EYS: variants seen among roughly 807,000 people sequenced by gnomAD.
EYS encodes the protein EGF-like photoreceptor maintenance factor.
Under a neutral mutation model 282.1 loss-of-function variants are expected in EYS, and 250 were observed. The observed-to-expected ratio is 0.89, with a 90% CI of 0.80 to 0.98. The LOEUF (loss-of-function observed/expected upper bound fraction) is 0.98. Ranked by LOEUF, EYS falls within the 50% of genes least tolerant of loss-of-function variation. The probability of loss-of-function intolerance (pLI) is 0.00; values close to 1 mark genes in which losing one functional copy is unlikely to be tolerated. For missense variants in EYS, 4,016 were observed against 3,709.0 expected (o/e 1.08, Z -2.15); for synonymous variants, 1,355 against 1,282.9 (o/e 1.06, Z -1.20).
In EYS at chr6:64,997,642, G is replaced by A. The variant is rs769923713; in HGVS notation, c.2199C>T (p.Asp733=). 2.9e-4 allele frequency: 443 copies of A among 1,550,978 alleles called. No individual in the cohort carries two copies. The highest frequency in any genetic ancestry group is 3.8e-4 in the Non-Finnish European group (430 of 1,146,448). The part of the protein sequence containing the change: ...PGYVGIRCEQ[D]IDDCILNACE... The stretch of plus-strand genomic sequence containing the variant: ...AGGCATTCAGGATGCAGTCATCAAT[G>A]TCCTGTTCACATCTTATCCCAACAT... The change falls in exon 14 of 43, where the codon GAC becomes GAT. Residue 733 remains aspartate (D), a synonymous_variant. Transcript: ENST00000503581.
intron 2 of EYS, among the ~76,000 whole-genome samples, chr6:65,620,922 T>C (rs1171311940): frequency 1.3e-5 from 2 of 152,212 alleles, no homozygotes; most frequent in Admixed American, 6.5e-5. Context: ...GAGAGACAGT[T>C]TGTTATCATT....
At chr6:64,794,398 C>T (rs1027168546) in intron 22 of EYS, among the ~76,000 whole-genome samples, 1 of 152,074 alleles carries the variant, frequency 6.6e-6, no homozygotes, top group Non-Finnish European at 1.5e-5. Context: ...TGGGGGCAGA[C>T]TTCTCTCTTG....
rs112098316 is a variant in EYS at position 65,384,774 on chromosome 6, C to G, written c.1185-274G>C. On this transcript the variant is annotated intron_variant, in intron 7 of 42. Transcript: ENST00000503581. The stretch of plus-strand genomic sequence containing the variant: ...TGGCCTAAACTGATACTTAACAATA[C>G]AGTATATGTTTTGGAAAACTAGTGA... Among the ~76,000 whole-genome samples, 410 of 150,806 alleles carry G rather than the reference C, an allele frequency of 2.7e-3. 4 individuals carry two copies. The highest frequency in any genetic ancestry group is 9.5e-3 in the African/African-American group (394 of 41,336).
intron 29 of EYS, among the ~76,000 whole-genome samples, chr6:64,353,385 C>G (rs1771711742): frequency 6.6e-6 from 1 of 151,498 alleles, no homozygotes; most frequent in African/African-American, 2.4e-5. Context: ...ATTTATTTCT[C>G]CATCATTACC....
At chr6:63,993,786 T>A (rs556713682) in intron 34 of EYS, among the ~76,000 whole-genome samples, 32 of 151,718 alleles carry the variant, frequency 2.1e-4, no homozygotes, top group Non-Finnish European at 4.1e-4. Flanking sequence ...TTTACAAAAA[T>A]TGAAAAAACA....
At chr6:63,851,405 T>C (rs1772246438) in intron 36 of EYS, among the ~76,000 whole-genome samples, 1 of 152,082 alleles carries the variant, frequency 6.6e-6, no homozygotes, top group African/African-American at 2.4e-5. Context: ...TATTCTAAAA[T>C]TGACACATAA....
chr6:63,956,611 A>T (rs952314957), intron 35 of EYS, among the ~76,000 whole-genome samples: 1 of 152,216 alleles, frequency 6.6e-6, no homozygotes, highest in Non-Finnish European at 1.5e-5. Flanking sequence ...TTAATTGACA[A>T]TTGGATGTCT....
At chr6:64,738,864 T>C (rs1039655562) in intron 22 of EYS, among the ~76,000 whole-genome samples, 13 of 152,250 alleles carry the variant, frequency 8.5e-5, no homozygotes, top group African/African-American at 3.1e-4. Context: ...TTCAAGAGAT[T>C]CTCCTGCCTC....
At chr6:65,557,321 G>A (rs1192751808) in intron 2 of EYS, among the ~76,000 whole-genome samples, 1 of 152,194 alleles carries the variant, frequency 6.6e-6, no homozygotes, top group Non-Finnish European at 1.5e-5. Flanking sequence ...GCGTGAAAGA[G>A]TGCAGGGTCC....
At chr6:63,887,343 A>G (rs1773289168) in intron 35 of EYS, among the ~76,000 whole-genome samples, 1 of 147,022 alleles carries the variant, frequency 6.8e-6, no homozygotes, top group Admixed American at 6.8e-5. Context: ...GTCTTTGAAA[A>G]TAGAATGGAG....
chr6:64,295,490 G>GAAGAAGAAGAAGAAGAAGAAGAAGA (rs1554140729), intron 30 of EYS, among the ~76,000 whole-genome samples: 1 of 28,160 alleles, frequency 3.6e-5, no homozygotes, highest in African/African-American at 2.9e-4. Context: ...AGAAGAAGAA[G>GAAGAAGAAGAAGAAGAAGAAGAAGA]AAGAAGAAAG....
At chr6:65,012,632 G>A (rs9345587) in intron 13 of EYS, among the ~76,000 whole-genome samples, 10,294 of 151,948 alleles carry the variant, frequency 0.068, 437 homozygotes, top group East Asian at 0.13. Context: ...AAGTGTCCCT[G>A]TGATTCTCCC....
chr6:64,994,050 A>T (rs958003701), intron 14 of EYS, among the ~76,000 whole-genome samples: 2 of 151,908 alleles, frequency 1.3e-5, no homozygotes, highest in African/African-American at 4.8e-5. Context: ...CTAAAATGAG[A>T]GGGGAAATAC....
chr6:65,476,200 C>G (rs187980397), intron 5 of EYS, among the ~76,000 whole-genome samples: 2 of 152,176 alleles, frequency 1.3e-5, no homozygotes, highest in African/African-American at 4.8e-5. Context: ...TCTACCATGA[C>G]GCATGATATT....
rs546437945 is a variant in EYS, at chr6:64,672,659, T to C, written c.3444-46414A>G. The stretch of plus-strand genomic sequence containing the variant: ...CTATCAATTTGGATTTCTGAGACCT[T>C]ACGCAACTAAACTAAATCGTTTCCT... On this transcript the variant is annotated intron_variant, in intron 22 of 42. Transcript: ENST00000503581. Among the ~76,000 whole-genome samples the C allele has an allele frequency of 5.9e-5, 9 of 152,310 alleles. No homozygotes were observed. In the South Asian group the frequency reaches 6.2e-4, roughly 11 times the overall value.
At chr6:64,630,978 G>T (rs958811244) in intron 22 of EYS, among the ~76,000 whole-genome samples, 13 of 152,132 alleles carry the variant, frequency 8.5e-5, no homozygotes, top group African/African-American at 1.9e-4. Context: ...TTAATAGAAT[G>T]TCTGACGGAT....
intron 1 of EYS, among the ~76,000 whole-genome samples, chr6:65,641,024 T>C (rs1017594150): frequency 6.6e-6 from 1 of 152,238 alleles, no homozygotes; most frequent in African/African-American, 2.4e-5. Context: ...TGTATTTTCC[T>C]TTTATTTCTT....
intron 8 of EYS, among the ~76,000 whole-genome samples, chr6:65,364,543 T>A (rs1299569841): frequency 3.6e-5 from 5 of 137,334 alleles, no homozygotes; most frequent in African/African-American, 1.1e-4. Flanking sequence ...ATATTAAAAA[T>A]ATTAAGACTT....
At chr6:65,119,702 T>C (rs1775473330) in intron 12 of EYS, among the ~76,000 whole-genome samples, 1 of 151,482 alleles carries the variant, frequency 6.6e-6, no homozygotes, top group South Asian at 2.1e-4. Flanking sequence ...TTCTTTGATA[T>C]TAAAAACAAA....
Sources: allele counts gnomAD v4.1 joint callset (sites outside exome capture counted in the v4.1 genomes callset), GRCh38; gene constraint gnomAD v4.1.1; transcripts MANE v1.5; gene names NCBI Gene and HGNC (gene_info 2026-07-23, HGNC 2026-07-21).